MAML2: variants seen among roughly 807,000 people sequenced by gnomAD.
The protein encoded by MAML2 is mastermind like transcriptional coactivator 2.
Under a neutral mutation model 96.1 loss-of-function variants are expected in MAML2, and 22 were observed. The ratio of observed to expected loss-of-function variants is 0.23; its 90% CI spans 0.16 to 0.33. The LOEUF (loss-of-function observed/expected upper bound fraction) is 0.33, where lower values mean the gene tolerates loss of function less well. Among genes scored for constraint, MAML2 ranks in the 10% least tolerant of loss-of-function variants. The probability of loss-of-function intolerance (pLI) is 1.00; values close to 1 mark genes in which losing one functional copy is unlikely to be tolerated. For missense variants in MAML2, 1,367 were observed against 1,392.4 expected (o/e 0.98, Z 0.29); for synonymous variants, 561 against 521.3 (o/e 1.08, Z -1.04).
intron 2 of MAML2, among the ~76,000 whole-genome samples, chr11:96,062,236 T>A (rs918984662): frequency 6.6e-6 from 1 of 152,182 alleles, no homozygotes; most frequent in Non-Finnish European, 1.5e-5. Context: ...GTGGCATTTA[T>A]AATAAGTGCC....
Position 95,998,285 on chromosome 11 carries a change from G to A in MAML2, c.2140-6562C>T, listed in dbSNP as rs115420032. 1.4e-3 allele frequency among the ~76,000 whole-genome samples: 219 copies of A among 152,010 alleles called. 2 individuals carry two copies. The highest frequency in any genetic ancestry group is 5.1e-3 in the African/African-American group (212 of 41,458). ...TTCTTCTACCACATCCCTAGCAAAT[G>A]ATCATTCAACCTCTGCTAAAATTAC... On this transcript the variant is annotated intron_variant, in intron 2 of 4. Coordinates refer to ENST00000524717, the MANE Select transcript of MAML2 (RefSeq NM_032427.4).
At chr11:96,132,350 A>G (rs1860561402) in intron 1 of MAML2, among the ~76,000 whole-genome samples, 1 of 152,220 alleles carries the variant, frequency 6.6e-6, no homozygotes, top group African/African-American at 2.4e-5. Flanking sequence ...AACAAGACAG[A>G]CAATAGTTTG....
intron 1 of MAML2, among the ~76,000 whole-genome samples, chr11:96,153,875 C>A (rs1234157397): frequency 6.6e-6 from 1 of 151,934 alleles, no homozygotes; most frequent in Admixed American, 6.6e-5. Flanking sequence ...CGCATCACTG[C>A]ACTCCAGCTC....
intron 1 of MAML2, among the ~76,000 whole-genome samples, chr11:96,327,005 A>G (rs1022340998): frequency 6.6e-6 from 1 of 152,228 alleles, no homozygotes; most frequent in South Asian, 2.1e-4. Context: ...AATCAAAATA[A>G]TTCAGATAGT....
At position 96,072,229 on chromosome 11, in the gene MAML2, A is replaced by G. The variant is rs192521148; in HGVS notation, c.2139+19663T>C. 3.2e-4 allele frequency among the ~76,000 whole-genome samples: 48 copies of G among 152,330 alleles called. No individual in the cohort carries two copies. The East Asian group carries it at 8.9e-3, about 28-fold the overall frequency. On this transcript the variant is annotated intron_variant, in intron 2 of 4. Coordinates refer to ENST00000524717, the MANE Select transcript of MAML2 (RefSeq NM_032427.4). The stretch of plus-strand genomic sequence containing the variant: ...AAGCTCTTGTTATAAGGTTAAGGCC[A>G]CATTTCTGTGTAGTTAAAACTTTGC...
intron 1 of MAML2, among the ~76,000 whole-genome samples, chr11:96,138,898 G>A (rs1250149063): frequency 6.6e-6 from 1 of 152,116 alleles, no homozygotes; most frequent in East Asian, 1.9e-4. Context: ...GCAGATGCTT[G>A]TCTTCTACCA....
intron 1 of MAML2, among the ~76,000 whole-genome samples, chr11:96,297,350 G>A (rs566878317): frequency 3.9e-5 from 6 of 152,204 alleles, no homozygotes; most frequent in Non-Finnish European, 7.4e-5. Flanking sequence ...CAAGGCAGGC[G>A]GATCACTTGA....
chr11:96,160,081 A>C (rs533497663), intron 1 of MAML2, among the ~76,000 whole-genome samples: 1 of 152,214 alleles, frequency 6.6e-6, no homozygotes, highest in East Asian at 1.9e-4. Context: ...CTTTTCCCCT[A>C]TAGAAAGAGA....
At chr11:96,058,733 A>G (rs1452761993) in intron 2 of MAML2, among the ~76,000 whole-genome samples, 1 of 152,206 alleles carries the variant, frequency 6.6e-6, no homozygotes, top group African/African-American at 2.4e-5. Context: ...TCTGCCTGCC[A>G]GAATATTTCC....
intron 1 of MAML2, among the ~76,000 whole-genome samples, chr11:96,094,808 G>A (rs1202412122): frequency 1.3e-5 from 2 of 152,058 alleles, no homozygotes; most frequent in Admixed American, 6.5e-5. Flanking sequence ...TAAAATACAC[G>A]AGGCAAGAAA....
At chr11:96,164,282 T>G (rs913646883) in intron 1 of MAML2, among the ~76,000 whole-genome samples, 1 of 152,140 alleles carries the variant, frequency 6.6e-6, no homozygotes, top group Admixed American at 6.6e-5. Context: ...CATAAAAGCA[T>G]AGAAATCAGA....
Position 96,342,285 on chromosome 11 carries a change from C to T in MAML2, c.-390G>A. 1 of 427,236 alleles carries T rather than the reference C, an allele frequency of 2.3e-6. No homozygotes were observed. The highest frequency in any genetic ancestry group is 4.1e-6 in the Non-Finnish European group (1 of 241,878). The allele number at this position is 427,236 out of a possible 1,614,324, so 26.5% of individuals were successfully genotyped here. A position where few individuals can be genotyped will look rare whatever the true frequency, so the allele number is the denominator to read the frequency against. On this transcript the variant is annotated 5_prime_UTR_variant, in exon 1 of 5. Coordinates refer to ENST00000524717, the MANE Select transcript of MAML2 (RefSeq NM_032427.4). ...GATCAAGAATTCAGGGATTGTCCAGCAAGAGACAGAAACACACAGCAAAAG... is the reference window on the plus strand; with the variant it reads ...GATCAAGAATTCAGGGATTGTCCAGTAAGAGACAGAAACACACAGCAAAAG...
intron 1 of MAML2, among the ~76,000 whole-genome samples, chr11:96,317,262 A>C (rs574172817): frequency 6.6e-5 from 10 of 152,334 alleles, no homozygotes; most frequent in Admixed American, 4.6e-4. Context: ...CTGGAAGCAT[A>C]GATAGCTTTA....
intron 2 of MAML2, among the ~76,000 whole-genome samples, chr11:96,040,915 T>C (rs1364429162): frequency 6.6e-6 from 1 of 152,258 alleles, no homozygotes; most frequent in Non-Finnish European, 1.5e-5. Flanking sequence ...GTATATTATG[T>C]ATTTTTAATC....
At chr11:96,297,536 C>T (rs1863320711) in intron 1 of MAML2, among the ~76,000 whole-genome samples, 1 of 152,118 alleles carries the variant, frequency 6.6e-6, no homozygotes, top group Admixed American at 6.5e-5. Context: ...GATCACGCCA[C>T]TGCACTATAG....
intron 1 of MAML2, among the ~76,000 whole-genome samples, chr11:96,251,584 T>A (rs1197366290): frequency 6.6e-6 from 1 of 152,186 alleles, no homozygotes; most frequent in Non-Finnish European, 1.5e-5. Context: ...AAAAGACAGG[T>A]ATGTTTTAAC....
At position 95,979,186 on chromosome 11, in the gene MAML2, T is replaced by G. The variant is rs563975050; in HGVS notation, c.3233A>C (p.Gln1078Pro). The change falls in exon 5 of 5, where the codon CAG becomes CCG. Residue 1078 changes from glutamine (Q) to proline (P), a missense_variant. Transcript: ENST00000524717. ...ATTGCTGGGCGTCAGGGATGGTGGCTGGTTGATGCCCGTCCTCGACTGATT... is the reference window on the plus strand; with the variant it reads ...ATTGCTGGGCGTCAGGGATGGTGGCGGGTTGATGCCCGTCCTCGACTGATT... ...GLNQSRTGIN[Q>P]PPSLTPSNFP... 1 of 1,614,016 alleles carries G rather than the reference T, an allele frequency of 6.2e-7. No individual in the cohort carries two copies. The highest frequency in any genetic ancestry group is 1.1e-5 in the South Asian group (1 of 91,086).
At chr11:96,218,448 G>A (rs1278617014) in intron 1 of MAML2, among the ~76,000 whole-genome samples, 1 of 152,138 alleles carries the variant, frequency 6.6e-6, no homozygotes, top group Non-Finnish European at 1.5e-5. Context: ...TTGATGCAGA[G>A]CAAGTGACTT....
chr11:96,056,931 T>C (rs762187875), intron 2 of MAML2, among the ~76,000 whole-genome samples: 1 of 152,228 alleles, frequency 6.6e-6, no homozygotes, highest in Non-Finnish European at 1.5e-5. Flanking sequence ...AATTGTATTC[T>C]AAGAATACCA....
Sources: gnomAD v4.1 joint callset for allele counts (sites outside exome capture counted in the v4.1 genomes callset) on GRCh38, gnomAD v4.1.1 for gene constraint, MANE v1.5 for transcripts, NCBI Gene and HGNC (gene_info 2026-07-23, HGNC 2026-07-21) for gene names.